The following SEPTIN9 variants were observed in gnomAD, a reference collection of about 807,000 sequenced individuals.
The protein encoded by SEPTIN9 is septin 9, also known as septin-9.
In SEPTIN9, 13 loss-of-function variants were observed where a neutral mutation model predicts 56.6. The observed-to-expected ratio is 0.23, with a 90% CI of 0.15 to 0.37. The LOEUF (loss-of-function observed/expected upper bound fraction) is 0.37, where lower values mean the gene tolerates loss of function less well. SEPTIN9 is among the 10% of genes least tolerant of loss of function. The pLI is 1.00. For missense variants in SEPTIN9, 650 were observed against 823.1 expected, an observed-to-expected ratio of 0.79 and a Z score of 2.57; for synonymous variants, 332 against 334.1, an observed-to-expected ratio of 0.99 and a Z score of 0.07.
At chr17:77,360,942 A>AC (rs2034398137) in intron 2 of SEPTIN9, among the ~76,000 whole-genome samples, 1 of 93,182 alleles carries the variant, frequency 1.1e-5, no homozygotes, top group East Asian at 3.1e-4. Flanking sequence ...TTTTTTTGAG[A>AC]CGGGGTCTCT....
At position 77,487,299 on chromosome 17, in the gene SEPTIN9, A is replaced by C; in HGVS notation, c.914-125A>C. ...GCTGCTTGGCAGGGATATTGCCGGG[A>C]GGTAGCCCAGGCACTGCTGAATCTC... is the stretch of plus-strand genomic sequence containing the variant. On this transcript the variant is annotated intron_variant, in intron 4 of 11. Coordinates refer to ENST00000427177, the MANE Select transcript of SEPTIN9 (RefSeq NM_001113491.2). This position sits in a 1 kb window ranked among gnomAD's most constrained non-coding sequence, Gnocchi z 4.3. The C allele has an allele frequency of 9.7e-7, 1 of 1,029,904 alleles. No individual in the cohort carries two copies. Among genetic ancestry groups the C allele is most frequent in the Non-Finnish European group, 1.5e-6 (1 of 681,662 alleles). The allele number at this position is 1,029,904 out of a possible 1,614,324, so 63.8% of individuals were successfully genotyped here. A position where few individuals can be genotyped will look rare whatever the true frequency, so the allele number is the denominator to read the frequency against.
chr17:77,462,205 G>A (rs2038506894), intron 3 of SEPTIN9, among the ~76,000 whole-genome samples: 1 of 152,160 alleles, frequency 6.6e-6, no homozygotes, highest in Non-Finnish European at 1.5e-5. Flanking sequence ...CCTTCATAAG[G>A]AAATGAAGAC....
chr17:77,452,198 C>T (rs1040703720), intron 3 of SEPTIN9, among the ~76,000 whole-genome samples: 1 of 152,222 alleles, frequency 6.6e-6, no homozygotes, highest in African/African-American at 2.4e-5. Context: ...TGCTGCGTGT[C>T]GGCCATGCAG....
intron 1 of SEPTIN9, chr17:77,287,904 T>C (rs2031349886): frequency 1.9e-6 from 2 of 1,038,924 alleles, no homozygotes; most frequent in Non-Finnish European, 2.3e-6. Flanking sequence ...GGGCGGCCCT[T>C]AGACCCAGGC....
rs1427559163 is a variant in SEPTIN9 at position 77,318,124 on chromosome 17, G to A, written c.76+10927G>A. ...CTCAAAACCATCTCCCCACTCCCTG[G>A]TCTGTGGAAAAATTGTCTTCCCTGA... On this transcript the variant is annotated intron_variant, in intron 2 of 11. Coordinates refer to ENST00000427177, the MANE Select transcript of SEPTIN9 (RefSeq NM_001113491.2). This position sits in a 1 kb window ranked among gnomAD's most constrained non-coding sequence, Gnocchi z 4.9. 6.6e-6 allele frequency among the ~76,000 whole-genome samples: 1 copy of A among 151,824 alleles called. No homozygotes were observed. Among genetic ancestry groups the A allele is most frequent in the Non-Finnish European group, 1.5e-5 (1 of 67,940 alleles).
rs1048066306 is a variant in SEPTIN9, at chr17:77,456,068, G to T, written c.722-26076G>T. Among the ~76,000 whole-genome samples the T allele has an allele frequency of 5.3e-5, 8 of 152,172 alleles. No individual in the cohort carries two copies. The highest frequency in any genetic ancestry group is 1.9e-4 in the African/African-American group (8 of 41,434). On this transcript the variant is annotated intron_variant, in intron 3 of 11. Transcript: ENST00000427177. This position sits in a 1 kb window ranked among gnomAD's most constrained non-coding sequence, Gnocchi z 6.0. ...GGCAGGATGGTGTCTTTTGTGCCTT[G>T]TGTGCTGGGGCCGGAGGAAACACTG... is the stretch of plus-strand genomic sequence containing the variant.
At chr17:77,362,952 T>C (rs2034461143) in intron 2 of SEPTIN9, among the ~76,000 whole-genome samples, 1 of 152,134 alleles carries the variant, frequency 6.6e-6, no homozygotes, top group Non-Finnish European at 1.5e-5. Context: ...GGGAACAGGA[T>C]AGGGCAGGCA....
At chr17:77,373,336 C>G in intron 2 of SEPTIN9, 3 of 1,177,018 alleles carry the variant, frequency 2.5e-6, no homozygotes, top group African/African-American at 3.2e-5. Flanking sequence ...CTTCCTCCCC[C>G]ATTCATTCAG....
chr17:77,441,272 G>A (rs992998174), intron 3 of SEPTIN9, among the ~76,000 whole-genome samples: 1 of 152,198 alleles, frequency 6.6e-6, no homozygotes, highest in Non-Finnish European at 1.5e-5. Flanking sequence ...CCCAGACTTG[G>A]AGTGGGTCTG....
intron 2 of SEPTIN9, among the ~76,000 whole-genome samples, chr17:77,363,766 TC>T (rs1353705081): frequency 6.6e-6 from 1 of 152,080 alleles, no homozygotes; most frequent in Non-Finnish European, 1.5e-5. Flanking sequence ...TTTAAGAGTC[TC>T]CCTTAAGACT....
At position 77,451,282 on chromosome 17, in the gene SEPTIN9, G is replaced by A; in HGVS notation, c.722-30862G>A. On this transcript the variant is annotated intron_variant, in intron 3 of 11. Transcript: ENST00000427177. This position sits in a 1 kb window ranked among gnomAD's most constrained non-coding sequence, Gnocchi z 4.2. ...GCTTCTGCGCCGGGCCTGCCGCTGG[G>A]CGCCCCTATCTCTGCCTGCCCCCTC... 1.2e-6 allele frequency: 1 copy of A among 810,766 alleles called. No homozygotes were observed. The highest frequency in any genetic ancestry group is 1.5e-6 in the Non-Finnish European group (1 of 670,172). The allele number at this position is 810,766 out of a possible 1,614,324, so 50.2% of individuals were successfully genotyped here. A position where few individuals can be genotyped will look rare whatever the true frequency, so the allele number is the denominator to read the frequency against.
In SEPTIN9 at chr17:77,445,534, G is replaced by A. The variant is rs1257243233; in HGVS notation, c.722-36610G>A. 2 of 402,876 alleles carry A rather than the reference G, an allele frequency of 5.0e-6. No individual in the cohort carries two copies. The highest frequency in any genetic ancestry group is 7.3e-5 in the East Asian group (1 of 13,732). The allele number at this position is 402,876 out of a possible 1,614,324, so 25.0% of individuals were successfully genotyped here. Reference sequence around the variant, plus strand: ...TGCATGTGTGCACGCACGTGTGTGTGTGTGTGCGTGCGTGCTGGGTGGGTA... The same window carrying A: ...TGCATGTGTGCACGCACGTGTGTGTATGTGTGCGTGCGTGCTGGGTGGGTA... On this transcript the variant is annotated intron_variant, in intron 3 of 11. Transcript: ENST00000427177. The surrounding 1 kb of genome is among the most constrained non-coding windows in gnomAD (Gnocchi z 4.7).
chr17:77,314,098 A>G (rs1263812390), intron 2 of SEPTIN9, among the ~76,000 whole-genome samples: 3 of 151,966 alleles, frequency 2.0e-5, no homozygotes, highest in Non-Finnish European at 2.9e-5. Flanking sequence ...CTACCCGGGA[A>G]GCTGAGGCTG....
intron 1 of SEPTIN9, among the ~76,000 whole-genome samples, chr17:77,295,303 G>A (rs1318566282): frequency 6.6e-6 from 1 of 152,164 alleles, no homozygotes; most frequent in East Asian, 1.9e-4. Context: ...GAGATTGGCA[G>A]CAGGGTGCCA....
At chr17:77,477,174 T>C (rs1335381798) in intron 3 of SEPTIN9, among the ~76,000 whole-genome samples, 1 of 151,658 alleles carries the variant, frequency 6.6e-6, no homozygotes, top group Non-Finnish European at 1.5e-5. Context: ...GGATATAATT[T>C]CCATATTACA....
At position 77,453,462 on chromosome 17, in the gene SEPTIN9, G is replaced by A. The variant is rs554271072; in HGVS notation, c.722-28682G>A. On this transcript the variant is annotated intron_variant, in intron 3 of 11. Coordinates refer to ENST00000427177, the MANE Select transcript of SEPTIN9 (RefSeq NM_001113491.2). This position sits in a 1 kb window ranked among gnomAD's most constrained non-coding sequence, Gnocchi z 4.4. Reference sequence around the variant, plus strand: ...CTCTACTAAAAATACTGGCTAATCCGGGCATGGTGGCGCGTGCCTGTAATG... The same window carrying A: ...CTCTACTAAAAATACTGGCTAATCCAGGCATGGTGGCGCGTGCCTGTAATG... Among the ~76,000 whole-genome samples, 43 of 150,898 alleles carry A rather than the reference G, an allele frequency of 2.8e-4. No individual in the cohort carries two copies. Among genetic ancestry groups the A allele is most frequent in the Admixed American group, 4.6e-4 (7 of 15,242 alleles).
At chr17:77,285,525 G>A (rs974589516) in intron 1 of SEPTIN9, among the ~76,000 whole-genome samples, 1 of 152,154 alleles carries the variant, frequency 6.6e-6, no homozygotes, top group Non-Finnish European at 1.5e-5. Flanking sequence ...AGCCTCCTGA[G>A]TAGCTGGGAT....
rs2040432538 is a variant in SEPTIN9, at chr17:77,499,890, A to C, written c.*1232A>C. On this transcript the variant is annotated 3_prime_UTR_variant, in exon 12 of 12. Transcript: ENST00000427177. Reference sequence around the variant, plus strand: ...GTAACGAACCCCTAGAAAGGAGAGAACGGGCGTCAGGGGTGCACAGTCCAC... The same window carrying C: ...GTAACGAACCCCTAGAAAGGAGAGACCGGGCGTCAGGGGTGCACAGTCCAC... 3.5e-6 allele frequency: 1 copy of C among 281,944 alleles called. No individual in the cohort carries two copies. The highest frequency in any genetic ancestry group is 7.7e-5 in the South Asian group (1 of 12,952). The allele number at this position is 281,944 out of a possible 1,614,324, so 17.5% of individuals were successfully genotyped here.
At position 77,412,911 on chromosome 17, in the gene SEPTIN9, G is replaced by A. The variant is rs114176171; in HGVS notation, c.721+10208G>A. On this transcript the variant is annotated intron_variant, in intron 3 of 11. Coordinates refer to ENST00000427177, the MANE Select transcript of SEPTIN9 (RefSeq NM_001113491.2). ...CACATCCTGTTTAGAGGTCTCCTGC[G>A]TTCTGAAATTATAGGAAAGAATTTC... is the stretch of plus-strand genomic sequence containing the variant. Among the ~76,000 whole-genome samples the A allele has an allele frequency of 6.8e-3, 1,038 of 152,136 alleles. 10 individuals carry two copies. The highest frequency in any genetic ancestry group is 0.024 in the African/African-American group (1,002 of 41,472).
Sources: allele counts gnomAD v4.1 joint callset (sites outside exome capture counted in the v4.1 genomes callset), GRCh38; gene constraint gnomAD v4.1.1; non-coding constraint Gnocchi (gnomAD v3.1); transcripts MANE v1.5; gene names NCBI Gene and HGNC (gene_info 2026-07-23, HGNC 2026-07-21).